The following LHFPL6 variants were observed in gnomAD, a reference collection of about 807,000 sequenced individuals.
LHFPL6 encodes the protein LHFPL tetraspan subfamily member 6 protein.
LHFPL6 carries 9 observed loss-of-function variants against 20.6 expected under a neutral mutation model. That is an observed-to-expected ratio of 0.44 (90% confidence interval 0.26 to 0.76). The LOEUF (loss-of-function observed/expected upper bound fraction) is 0.76. Among genes scored for constraint, LHFPL6 ranks in the 30% least tolerant of loss-of-function variants. LHFPL6 has a pLI of 0.20. For missense variants in LHFPL6, 218 were observed against 253.5 expected, an observed-to-expected ratio of 0.86 and a Z score of 0.95; for synonymous variants, 105 against 98.7, an observed-to-expected ratio of 1.06 and a Z score of -0.38.
chr13:39,572,930 TA>T (rs755673417), intron 2 of LHFPL6, among the ~76,000 whole-genome samples: 13 of 152,166 alleles, frequency 8.5e-5, no homozygotes, highest in Non-Finnish European at 7.4e-5. Flanking sequence ...TCAGAATTCA[TA>T]GGAAAGTAAT....
intron 2 of LHFPL6, among the ~76,000 whole-genome samples, chr13:39,546,241 C>A (rs1870979200): frequency 6.6e-6 from 1 of 152,040 alleles, no homozygotes; most frequent in African/African-American, 2.4e-5. Flanking sequence ...CTAACTCACG[C>A]CATAGACCGA....
intron 2 of LHFPL6, among the ~76,000 whole-genome samples, chr13:39,530,843 A>C (rs750793284): frequency 6.6e-6 from 1 of 151,930 alleles, no homozygotes; most frequent in Non-Finnish European, 1.5e-5. Context: ...ATGAGATTCC[A>C]AACTCCCAAC....
At chr13:39,589,602 C>A (rs929846503) in intron 2 of LHFPL6, among the ~76,000 whole-genome samples, 2 of 151,970 alleles carry the variant, frequency 1.3e-5, no homozygotes, top group African/African-American at 4.8e-5. Flanking sequence ...TTTTATTGAT[C>A]CAGATTGATA....
intron 2 of LHFPL6, among the ~76,000 whole-genome samples, chr13:39,399,725 C>T (rs973566163): frequency 6.6e-6 from 1 of 152,162 alleles, no homozygotes; most frequent in African/African-American, 2.4e-5. Flanking sequence ...TAAATTCTGG[C>T]ATCATCGGCA....
intron 2 of LHFPL6, among the ~76,000 whole-genome samples, chr13:39,424,311 A>ATCACACAATAAAGGAATAAAGGAC (rs1871582826): frequency 6.6e-6 from 1 of 152,196 alleles, no homozygotes; most frequent in African/African-American, 2.4e-5. Context: ...GAATAAAGGA[A>ATCACACAATAAAGGAATAAAGGAC]TCACACAATA....
At chr13:39,602,351 T>A (rs888040175) in intron 1 of LHFPL6, among the ~76,000 whole-genome samples, 1 of 151,434 alleles carries the variant, frequency 6.6e-6, no homozygotes, top group African/African-American at 2.5e-5. Flanking sequence ...ACCTCGCCCC[T>A]ACCCGTTTTT....
chr13:39,395,079 T>C (rs574204107), intron 2 of LHFPL6, among the ~76,000 whole-genome samples: 3 of 152,114 alleles, frequency 2.0e-5, no homozygotes, highest in African/African-American at 7.2e-5. Flanking sequence ...GTGAAAGAGG[T>C]GGATCAGACC....
intron 2 of LHFPL6, among the ~76,000 whole-genome samples, chr13:39,561,253 T>C (rs1206886904): frequency 6.6e-6 from 1 of 152,026 alleles, no homozygotes; most frequent in African/African-American, 2.4e-5. Context: ...CCTGCATTAT[T>C]ACTTGTCAAC....
At chr13:39,365,398 C>T (rs1004843368) in intron 3 of LHFPL6, among the ~76,000 whole-genome samples, 6 of 152,174 alleles carry the variant, frequency 3.9e-5, no homozygotes, top group Admixed American at 2.0e-4. Context: ...GCAAGCACTG[C>T]TTTGATGTTT....
intron 3 of LHFPL6, among the ~76,000 whole-genome samples, chr13:39,376,437 A>G (rs552626715): frequency 3.9e-5 from 6 of 152,356 alleles, no homozygotes; most frequent in African/African-American, 1.4e-4. Context: ...AAGAATAGGT[A>G]AAAGGAAATC....
chr13:39,430,155 C>T (rs1227320099), intron 2 of LHFPL6, among the ~76,000 whole-genome samples: 8 of 152,190 alleles, frequency 5.3e-5, no homozygotes, highest in Admixed American at 5.2e-4. Flanking sequence ...CACTCAAATG[C>T]CTGCCCTTTA....
At chr13:39,403,718 T>C (rs1294870709) in intron 2 of LHFPL6, among the ~76,000 whole-genome samples, 1 of 152,198 alleles carries the variant, frequency 6.6e-6, no homozygotes, top group Non-Finnish European at 1.5e-5. Context: ...GCATGATAGA[T>C]GTAATAATGA....
rs117531670 is a variant in LHFPL6, at chr13:39,486,396, G to A, written c.386-107870C>T. The stretch of plus-strand genomic sequence containing the variant: ...GCTACCAACAGTATAGGCTGGGTCA[G>A]CTAACACGGTATTTAAAAAAATGTA... On this transcript the variant is annotated intron_variant, in intron 2 of 3. Transcript: ENST00000379589. Among the ~76,000 whole-genome samples the A allele has an allele frequency of 4.6e-5, 7 of 152,302 alleles. No homozygotes were observed. In the East Asian group the frequency reaches 1.4e-3, roughly 29 times the overall value.
chr13:39,370,402 T>C (rs991824156), intron 3 of LHFPL6, among the ~76,000 whole-genome samples: 1 of 152,178 alleles, frequency 6.6e-6, no homozygotes, highest in African/African-American at 2.4e-5. Flanking sequence ...TGGATTTAAG[T>C]GTCAAAAGTT....
intron 2 of LHFPL6, among the ~76,000 whole-genome samples, chr13:39,543,852 A>G (rs920353459): frequency 6.6e-6 from 1 of 152,236 alleles, no homozygotes; most frequent in African/African-American, 2.4e-5. Context: ...CAATTTGTGT[A>G]AAGCAGACAA....
chr13:39,521,694 G>A (rs771386273), intron 2 of LHFPL6, among the ~76,000 whole-genome samples: 2 of 152,184 alleles, frequency 1.3e-5, no homozygotes, highest in Non-Finnish European at 2.9e-5. Flanking sequence ...GAAGTAAAAT[G>A]TAGTCACGAT....
intron 2 of LHFPL6, among the ~76,000 whole-genome samples, chr13:39,473,616 ATCT>A (rs1228792248): frequency 1.3e-5 from 2 of 152,028 alleles, no homozygotes; most frequent in Admixed American, 6.6e-5. Context: ...GCACACTCAG[ATCT>A]TCTTTCTTTC....
chr13:39,440,862 A>T (rs536715306), intron 2 of LHFPL6, among the ~76,000 whole-genome samples: 1 of 152,178 alleles, frequency 6.6e-6, no homozygotes. Context: ...TGTTCTCATG[A>T]TAGTGAATGA....
At chr13:39,349,503 C>T (rs1869502945) in intron 3 of LHFPL6, among the ~76,000 whole-genome samples, 1 of 152,176 alleles carries the variant, frequency 6.6e-6, no homozygotes, top group African/African-American at 2.4e-5. Flanking sequence ...TCAGTGAGTG[C>T]CAGCTCCAAC....
Sources: gnomAD v4.1 joint callset for allele counts (sites outside exome capture counted in the v4.1 genomes callset) on GRCh38, gnomAD v4.1.1 for gene constraint, MANE v1.5 for transcripts, NCBI Gene and HGNC (gene_info 2026-07-23, HGNC 2026-07-21) for gene names.